MPZL1: variants seen among roughly 807,000 people sequenced by gnomAD.
MPZL1 encodes the protein myelin protein zero-like protein 1.
MPZL1 carries 16 observed loss-of-function variants against 29.3 expected under a neutral mutation model. The ratio of observed to expected loss-of-function variants is 0.55; its 90% CI spans 0.37 to 0.83. MPZL1 has a LOEUF of 0.83. Ranked by LOEUF, MPZL1 falls within the 40% of genes least tolerant of loss-of-function variation. The pLI is 0.00. For synonymous variants in MPZL1, 143 were observed against 132.0 expected, an observed-to-expected ratio of 1.08 and a Z score of -0.57; for missense variants, 279 against 332.9, an observed-to-expected ratio of 0.84 and a Z score of 1.26.
intron 3 of MPZL1, among the ~76,000 whole-genome samples, chr1:167,772,940 A>T (rs1308188323): frequency 6.6e-6 from 1 of 152,164 alleles, no homozygotes; most frequent in Non-Finnish European, 1.5e-5. Context: ...TTTGAGACAA[A>T]GTCTGTTTTG....
At chr1:167,759,317 C>T (rs1274068344) in intron 1 of MPZL1, among the ~76,000 whole-genome samples, 3 of 152,152 alleles carry the variant, frequency 2.0e-5, no homozygotes, top group Non-Finnish European at 4.4e-5. Flanking sequence ...TCTTTTATGA[C>T]TCTGTGGATG....
At chr1:167,756,185 G>A (rs986033626) in intron 1 of MPZL1, among the ~76,000 whole-genome samples, 2 of 151,738 alleles carry the variant, frequency 1.3e-5, no homozygotes, top group Non-Finnish European at 2.9e-5. Flanking sequence ...GTCTCACTCT[G>A]TCACACAGGC....
intron 1 of MPZL1, among the ~76,000 whole-genome samples, chr1:167,749,817 T>C (rs1441046614): frequency 1.3e-5 from 2 of 152,170 alleles, no homozygotes; most frequent in African/African-American, 4.8e-5. Context: ...AACAATTAAT[T>C]AGAGGTGAAA....
At chr1:167,748,292 T>C (rs1660688620) in intron 1 of MPZL1, among the ~76,000 whole-genome samples, 1 of 152,174 alleles carries the variant, frequency 6.6e-6, no homozygotes, top group Non-Finnish European at 1.5e-5. Flanking sequence ...CTCTACATCC[T>C]CTCCAGCTAC....
intron 1 of MPZL1, among the ~76,000 whole-genome samples, chr1:167,745,786 G>C (rs536779857): frequency 6.6e-6 from 1 of 152,056 alleles, no homozygotes. Context: ...CCAGAAGCCA[G>C]GGAGACGCTG....
chr1:167,750,568 C>T (rs1323786835), intron 1 of MPZL1, among the ~76,000 whole-genome samples: 1 of 152,124 alleles, frequency 6.6e-6, no homozygotes, highest in Admixed American at 6.5e-5. Context: ...CCTTCCTCCC[C>T]CTCCCACCTT....
intron 5 of MPZL1, chr1:167,787,023 C>T (rs1661606651): frequency 1.3e-5 from 2 of 152,224 alleles, no homozygotes; most frequent in African/African-American, 4.8e-5. Context: ...TTCCCTTGCT[C>T]TCCTGAATGG....
At chr1:167,736,517 C>T (rs79153725) in intron 1 of MPZL1, among the ~76,000 whole-genome samples, 101 of 152,242 alleles carry the variant, frequency 6.6e-4, no homozygotes, top group African/African-American at 2.4e-3. Flanking sequence ...CTCCGGCATG[C>T]CACTCGCTAT....
chr1:167,772,188 A>T, intron 2 of MPZL1, 87 bp from the exon 3 acceptor site: 1 of 1,088,872 alleles, frequency 9.2e-7, no homozygotes, highest in Non-Finnish European at 1.3e-6. Context: ...TGAAGTCTTT[A>T]AAAGAACCTT....
chr1:167,735,642 G>T (rs1660362554), intron 1 of MPZL1, among the ~76,000 whole-genome samples: 1 of 152,170 alleles, frequency 6.6e-6, no homozygotes, highest in Non-Finnish European at 1.5e-5. Flanking sequence ...AGGCTGGCAG[G>T]CTGGAGACCT....
At chr1:167,769,463 C>T (rs566442574) in intron 2 of MPZL1, among the ~76,000 whole-genome samples, 13 of 152,300 alleles carry the variant, frequency 8.5e-5, no homozygotes, top group African/African-American at 3.1e-4. Context: ...TCTGCCTGCA[C>T]AACATCCATG....
intron 5 of MPZL1, 93 bp downstream of exon 5, chr1:167,776,259 GAGAGAC>G (rs1447625752): frequency 1.4e-4 from 114 of 835,722 alleles, no homozygotes; most frequent in African/African-American, 1.1e-3. Context: ...ACTGAGCTAT[GAGAGAC>G]AGAGACAGAG....
At chr1:167,785,967 G>A (rs1661584532) in intron 5 of MPZL1, among the ~76,000 whole-genome samples, 1 of 152,066 alleles carries the variant, frequency 6.6e-6, no homozygotes, top group Non-Finnish European at 1.5e-5. Context: ...GAATTTTTTT[G>A]TATTTTTAGT....
Position 167,787,974 on chromosome 1 carries a change from G to C in MPZL1, c.*53G>C. The stretch of plus-strand genomic sequence containing the variant: ...AGAAACAAAACCAAACTGGACTCTC[G>C]TGCAGAAAATGTAGCCCATTACCAC... On this transcript the variant is annotated 3_prime_UTR_variant, in exon 6 of 6. Coordinates refer to ENST00000359523, the MANE Select transcript of MPZL1 (RefSeq NM_003953.6). 6.8e-7 allele frequency: 1 copy of C among 1,480,208 alleles called. No individual in the cohort carries two copies. The highest frequency in any genetic ancestry group is 2.3e-5 in the East Asian group (1 of 44,172). 91.7% of individuals were successfully genotyped at this position (1,480,208 alleles called of 1,614,324 possible). A position where few individuals can be genotyped will look rare whatever the true frequency, so the allele number is the denominator to read the frequency against.
chr1:167,733,716 C>T (rs1454061885), intron 1 of MPZL1, among the ~76,000 whole-genome samples: 1 of 151,582 alleles, frequency 6.6e-6, no homozygotes, highest in Non-Finnish European at 1.5e-5. Context: ...TGCACTCCAC[C>T]CTGGGTGACA....
intron 2 of MPZL1, among the ~76,000 whole-genome samples, chr1:167,770,274 C>CA (rs1469421909): frequency 6.6e-6 from 1 of 152,336 alleles, no homozygotes; most frequent in East Asian, 1.9e-4. Context: ...CCAGCTCCAC[C>CA]ATCACCCCGT....
intron 1 of MPZL1, among the ~76,000 whole-genome samples, chr1:167,754,424 G>C (rs1017439680): frequency 6.6e-6 from 1 of 152,170 alleles, no homozygotes; most frequent in Non-Finnish European, 1.5e-5. Flanking sequence ...TGAATAATTC[G>C]TGGACTTTGG....
intron 2 of MPZL1, among the ~76,000 whole-genome samples, 181 bp from the exon 3 acceptor site, chr1:167,772,094 G>A (rs1444136525): frequency 1.3e-5 from 2 of 152,324 alleles, no homozygotes; most frequent in African/African-American, 2.4e-5. Context: ...GTACAGTCCA[G>A]CCTCAGCAAC....
At position 167,760,783 on chromosome 1, in the gene MPZL1, G is replaced by GTGTGTGTC. The variant is rs1553255560; in HGVS notation, c.92-4793_92-4792insCTGTGTGT. 1.5e-3 allele frequency among the ~76,000 whole-genome samples: 218 copies of GTGTGTGTC among 147,308 alleles called. 2 individuals carry two copies. Among genetic ancestry groups the GTGTGTGTC allele is most frequent in the Middle Eastern group, 7.0e-3 (2 of 284 alleles). ...TGTGTGTGTGTGTGTGTGTGTGTGT[G>GTGTGTGTC]TGTGTGTGTGTACAGGTGTCATCAG... is the stretch of plus-strand genomic sequence containing the variant. On this transcript the variant is annotated intron_variant, in intron 1 of 5. Transcript: ENST00000359523.
Sources: allele counts gnomAD v4.1 joint callset (sites outside exome capture counted in the v4.1 genomes callset), GRCh38; gene constraint gnomAD v4.1.1; transcripts MANE v1.5; gene names NCBI Gene and HGNC (gene_info 2026-07-23, HGNC 2026-07-21).